TMEM74: variants seen among roughly 807,000 people sequenced by gnomAD.
TMEM74 encodes the protein transmembrane protein 74.
A neutral mutation model predicts 18.1 loss-of-function variants in TMEM74; 13 were observed. That is an observed-to-expected ratio of 0.72 (90% CI 0.47 to 1.14). The LOEUF (loss-of-function observed/expected upper bound fraction) is 1.14, where lower values mean the gene tolerates loss of function less well. Ranked by LOEUF, TMEM74 falls within the 50% of genes most tolerant of loss-of-function variation. TMEM74 has a pLI of 0.00. For missense variants in TMEM74, 372 were observed against 375.9 expected (o/e 0.99, Z 0.09); for synonymous variants, 159 against 146.6 (o/e 1.08, Z -0.61).
chr8:108,689,189 C>T (rs1310716394), intron 1 of TMEM74, among the ~76,000 whole-genome samples: 2 of 152,196 alleles, frequency 1.3e-5, no homozygotes, highest in Non-Finnish European at 2.9e-5. Flanking sequence ...AATTAAACTT[C>T]TGTGTTCTAA....
intron 1 of TMEM74, among the ~76,000 whole-genome samples, chr8:108,700,053 G>A (rs957019028): frequency 6.6e-6 from 1 of 152,006 alleles, no homozygotes; most frequent in Non-Finnish European, 1.5e-5. Context: ...TTTTATGAAA[G>A]GATCTGCATA....
downstream of TMEM74, among the ~76,000 whole-genome samples, chr8:108,777,387 TC>T (rs1814245482): frequency 6.6e-6 from 1 of 152,192 alleles, no homozygotes; most frequent in Non-Finnish European, 1.5e-5. Context: ...AACTACATTT[TC>T]TTTTCAATTC....
intron 1 of TMEM74, among the ~76,000 whole-genome samples, chr8:108,756,703 GGAAAGAAA>G (rs1304814453): frequency 1.4e-5 from 1 of 69,090 alleles, no homozygotes; most frequent in African/African-American, 5.5e-5. Context: ...AAAGAAGGAA[GGAAAGAAA>G]GAAAGAAAGA....
chr8:108,732,981 A>G (rs559562422), intron 1 of TMEM74, among the ~76,000 whole-genome samples: 1 of 152,238 alleles, frequency 6.6e-6, no homozygotes, highest in Admixed American at 6.5e-5. Context: ...ATCAAAACAC[A>G]TTGAAAAAAG....
chr8:108,681,398 C>A (rs376293796), intron 1 of TMEM74, among the ~76,000 whole-genome samples: 5 of 151,846 alleles, frequency 3.3e-5, no homozygotes, highest in African/African-American at 9.7e-5. Flanking sequence ...ACAAACCTGA[C>A]AAAAACAAGC....
chr8:108,747,057 A>G (rs1813855255), intron 1 of TMEM74, among the ~76,000 whole-genome samples: 1 of 152,164 alleles, frequency 6.6e-6, no homozygotes, highest in South Asian at 2.1e-4. Context: ...GGAATCTTGA[A>G]TTGATAGCCA....
At chr8:108,771,135 T>A (rs1380985249) in intron 1 of TMEM74, among the ~76,000 whole-genome samples, 2 of 152,210 alleles carry the variant, frequency 1.3e-5, no homozygotes, top group Non-Finnish European at 2.9e-5. Flanking sequence ...GGCATTATTT[T>A]ATTTTGTTTC....
chr8:108,756,576 GAA>G (rs1165227784), intron 1 of TMEM74, among the ~76,000 whole-genome samples: 455 of 111,878 alleles, frequency 4.1e-3, no homozygotes, highest in African/African-American at 8.4e-3. Context: ...AAGAAAGAAA[GAA>G]AGAAAGAAAG....
intron 1 of TMEM74, among the ~76,000 whole-genome samples, chr8:108,666,486 G>T (rs1467483586): frequency 6.6e-6 from 1 of 152,118 alleles, no homozygotes; most frequent in Non-Finnish European, 1.5e-5. Flanking sequence ...CCCCTTTAAG[G>T]GCAGCAGTCA....
intron 2 of TMEM74, among the ~76,000 whole-genome samples, chr8:108,633,381 G>A (rs1471882350): frequency 9.9e-5 from 15 of 151,998 alleles, no homozygotes; most frequent in Admixed American, 9.8e-4. Context: ...ATTAGGCTAA[G>A]CATCACTCCT....
intron 1 of TMEM74, among the ~76,000 whole-genome samples, chr8:108,658,878 G>T (rs1325799167): frequency 2.6e-5 from 4 of 152,004 alleles, no homozygotes; most frequent in African/African-American, 9.7e-5. Flanking sequence ...TGAATGGAGA[G>T]GAAATAAAAA....
intron 1 of TMEM74, among the ~76,000 whole-genome samples, chr8:108,726,704 A>G (rs971641327): frequency 3.9e-5 from 6 of 152,204 alleles, no homozygotes; most frequent in Admixed American, 2.0e-4. Flanking sequence ...AAGTTCTACT[A>G]TAAGTCAAGC....
At chr8:108,760,973 A>AGTGTGTGTGTGTGTGT (rs60213902) in intron 1 of TMEM74, among the ~76,000 whole-genome samples, 1 of 148,878 alleles carries the variant, frequency 6.7e-6, no homozygotes, top group African/African-American at 2.5e-5. Context: ...GTGGTTTTGG[A>AGTGTGTGTGTGTGTGT]GTGTGTGTGT....
At chr8:108,749,368 C>G (rs374564243) in intron 1 of TMEM74, among the ~76,000 whole-genome samples, 2 of 152,190 alleles carry the variant, frequency 1.3e-5, no homozygotes, top group African/African-American at 4.8e-5. Context: ...GGTCACACTT[C>G]TCTTGTTATC....
At chr8:108,618,744 T>A (rs562307888) in intron 2 of TMEM74, among the ~76,000 whole-genome samples, 3 of 152,328 alleles carry the variant, frequency 2.0e-5, no homozygotes, top group African/African-American at 7.2e-5. Context: ...GAGTTACTTA[T>A]GTTTAGTATG....
chr8:108,700,862 A>G (rs951604944), intron 1 of TMEM74, among the ~76,000 whole-genome samples: 65 of 152,284 alleles, frequency 4.3e-4, no homozygotes, highest in African/African-American at 1.5e-3. Flanking sequence ...CTCCTGAGCT[A>G]ATGGGCTTTT....
intron 1 of TMEM74, among the ~76,000 whole-genome samples, chr8:108,703,877 A>G (rs1813363277): frequency 6.6e-6 from 1 of 152,178 alleles, no homozygotes; most frequent in South Asian, 2.1e-4. Flanking sequence ...CTCATACCAA[A>G]CTCAAGAAAG....
intron 2 of TMEM74, among the ~76,000 whole-genome samples, chr8:108,628,275 G>A (rs1812516047): frequency 6.6e-6 from 1 of 151,830 alleles, no homozygotes; most frequent in Admixed American, 6.6e-5. Flanking sequence ...TGAATGTATA[G>A]AAAAAACATT....
intron 3 of TMEM74, among the ~76,000 whole-genome samples, chr8:108,608,099 C>T (rs1218707867): frequency 4.6e-5 from 7 of 151,862 alleles, no homozygotes; most frequent in South Asian, 2.1e-4. Flanking sequence ...GTCATGATTT[C>T]GAGACCAGCC....
Sources: allele counts gnomAD v4.1 joint callset (sites outside exome capture counted in the v4.1 genomes callset), GRCh38; gene constraint gnomAD v4.1.1; transcripts MANE v1.5; gene names NCBI Gene and HGNC (gene_info 2026-07-23, HGNC 2026-07-21).